ACTR3: variants seen among roughly 807,000 people sequenced by gnomAD.
The protein encoded by ACTR3 is actin-related protein 3.
A neutral mutation model predicts 56.8 loss-of-function variants in ACTR3; 12 were observed. The ratio of observed to expected loss-of-function variants is 0.21; its 90% CI spans 0.14 to 0.34. The LOEUF (loss-of-function observed/expected upper bound fraction) is 0.34. Ranked by LOEUF, ACTR3 falls within the 10% of genes least tolerant of loss-of-function variation. ACTR3 has a pLI of 1.00. For missense variants in ACTR3, 282 were observed against 512.5 expected (o/e 0.55, Z 4.34); for synonymous variants, 162 against 167.4 (o/e 0.97, Z 0.25).
At chr2:113,927,204 T>C (rs1357727512) in intron 3 of ACTR3, 141 bp from the exon 4 acceptor site, 1 of 483,728 alleles carries the variant, frequency 2.1e-6, no homozygotes, top group Non-Finnish European at 3.6e-6. Context: ...TACACATCTT[T>C]TAAGGATGTT....
At chr2:113,929,124 ATTTTTGTTTTT>A (rs1481153978) in intron 4 of ACTR3, among the ~76,000 whole-genome samples, 2 of 138,348 alleles carry the variant, frequency 1.4e-5, no homozygotes, top group Non-Finnish European at 3.1e-5. Flanking sequence ...TACCTGGGCT[ATTTTTGTTTTT>A]TTTTTGTTTT....
rs35715683 is a variant in ACTR3, at chr2:113,928,026, A to AT, written c.336+581dup. Among the ~76,000 whole-genome samples, 147 of 150,420 alleles carry AT rather than the reference A, an allele frequency of 9.8e-4. No homozygotes were observed. The South Asian group carries it at 0.014, about 14-fold the overall frequency. ...TTTTAACATGTTTCTTTTATTTAAC[A>AT]TTTTTTTTTTATTTCTTCTGTCTTT... On this transcript the variant is annotated intron_variant, in intron 4 of 11. Transcript: ENST00000263238.
chr2:113,901,325 T>C (rs1283700562), intron 1 of ACTR3, among the ~76,000 whole-genome samples: 2 of 152,240 alleles, frequency 1.3e-5, no homozygotes, highest in African/African-American at 4.8e-5. Context: ...GCTGTCGCAC[T>C]TCAGCCTGGG....
chr2:113,922,493 A>G (rs1402395408), intron 3 of ACTR3, among the ~76,000 whole-genome samples: 1 of 152,190 alleles, frequency 6.6e-6, no homozygotes, highest in Admixed American at 6.5e-5. Context: ...TCTGCTGGTC[A>G]TGGATGTGGG....
intron 8 of ACTR3, among the ~76,000 whole-genome samples, chr2:113,948,058 G>C (rs749854293): frequency 6.6e-6 from 1 of 152,088 alleles, no homozygotes; most frequent in African/African-American, 2.4e-5. Context: ...ATTTCTAGAG[G>C]TAACCACTTC....
At chr2:113,939,879 CTTTA>C in intron 6 of ACTR3, 76 bp from the exon 7 acceptor site, 2 of 1,319,000 alleles carry the variant, frequency 1.5e-6, no homozygotes, top group Non-Finnish European at 1.0e-6. Context: ...ATAAATTGGT[CTTTA>C]TTGGTTCATA....
At chr2:113,917,114 CCTCTT>C in intron 3 of ACTR3, 106 bp downstream of exon 3, 1 of 933,528 alleles carries the variant, frequency 1.1e-6, no homozygotes, top group Non-Finnish European at 1.4e-6. Flanking sequence ...TATCCTCAAA[CCTCTT>C]CTCAGTAGAA....
intron 3 of ACTR3, among the ~76,000 whole-genome samples, chr2:113,917,352 T>A (rs981635479): frequency 6.6e-6 from 1 of 152,204 alleles, no homozygotes; most frequent in Admixed American, 6.5e-5. Context: ...CATTTTTCTC[T>A]TTTTTGAAGT....
chr2:113,935,247 G>A (rs1349853856), intron 6 of ACTR3, among the ~76,000 whole-genome samples: 1 of 147,884 alleles, frequency 6.8e-6, no homozygotes, highest in African/African-American at 2.6e-5. Context: ...CTTCTTTAGA[G>A]TGTACAGTTC....
chr2:113,902,309 A>G (rs983441978), intron 1 of ACTR3, among the ~76,000 whole-genome samples: 9 of 151,922 alleles, frequency 5.9e-5, no homozygotes, highest in African/African-American at 2.2e-4. Flanking sequence ...TGATAGCTTC[A>G]AAAGTGCTTT....
At chr2:113,921,232 G>A (rs935662099) in intron 3 of ACTR3, among the ~76,000 whole-genome samples, 3 of 149,860 alleles carry the variant, frequency 2.0e-5, no homozygotes, top group South Asian at 2.1e-4. Context: ...CATGTTGGAC[G>A]TTTTTTTCAT....
intron 3 of ACTR3, among the ~76,000 whole-genome samples, chr2:113,926,181 C>T (rs763410540): frequency 1.3e-5 from 2 of 152,142 alleles, no homozygotes; most frequent in African/African-American, 4.8e-5. Context: ...TGTTTTATAT[C>T]GATGTTATTT....
chr2:113,892,465 C>T (rs1678923702), intron 1 of ACTR3, among the ~76,000 whole-genome samples: 2 of 152,198 alleles, frequency 1.3e-5, no homozygotes, highest in African/African-American at 4.8e-5. Flanking sequence ...GAAATTCCCC[C>T]TTTAGAGTTT....
intron 7 of ACTR3, among the ~76,000 whole-genome samples, chr2:113,940,649 C>T (rs976766499): frequency 2.6e-5 from 4 of 152,016 alleles, no homozygotes; most frequent in East Asian, 1.9e-4. Context: ...ACTTTAGCAT[C>T]GTCTTTCAAA....
At chr2:113,891,489 C>CA (rs1678893787) in intron 1 of ACTR3, among the ~76,000 whole-genome samples, 1 of 151,574 alleles carries the variant, frequency 6.6e-6, no homozygotes, top group Non-Finnish European at 1.5e-5. Flanking sequence ...TATGTAGAAT[C>CA]ACTGCTTCAG....
At chr2:113,950,263 A>C (rs1680096982) in intron 8 of ACTR3, among the ~76,000 whole-genome samples, 1 of 152,240 alleles carries the variant, frequency 6.6e-6, no homozygotes, top group Admixed American at 6.5e-5. Flanking sequence ...TCTCTGTAAG[A>C]CACATCACAG....
Position 113,942,307 on chromosome 2 carries a change from T to C in ACTR3, c.806T>C (p.Ile269Thr). Reference protein sequence around the residue: ...INAISKKEFSIDVGYERFLGP... With the variant: ...INAISKKEFSTDVGYERFLGP... The stretch of plus-strand genomic sequence containing the variant: ...GCTATCTCAAAGAAAGAGTTTTCTA[T>C]CGATGTTGGTTATGAGAGATTTTTG... The change falls in exon 8 of 12, where the codon ATC becomes ACC. Residue 269 changes from isoleucine (I) to threonine (T), a missense_variant. By Grantham distance (89) the Ile-to-Thr change is moderately conservative. Coordinates refer to ENST00000263238, the MANE Select transcript of ACTR3 (RefSeq NM_005721.5). The C allele has an allele frequency of 6.2e-7, 1 of 1,601,386 alleles. No homozygotes were observed. Among genetic ancestry groups the C allele is most frequent in the Non-Finnish European group, 8.5e-7 (1 of 1,175,516 alleles).
chr2:113,927,379 A>G lies in ACTR3; in HGVS notation c.260A>G (p.Asp87Gly). The change falls in exon 4 of 12, where the codon GAC (aspartate) becomes GGC (glycine). Residue 87 changes from aspartate (D) to glycine (G), a missense_variant. By Grantham distance (94) the Asp-to-Gly change is moderately conservative (BLOSUM62 -1). Transcript: ENST00000263238. The part of the protein sequence containing the change: ...PIRHGIVEDW[D>G]LMERFMEQVI... The stretch of plus-strand genomic sequence containing the variant: ...CGCCATGGTATAGTTGAAGATTGGG[A>G]CTTAATGGAAAGGTTTATGGAGCAA... 1 of 1,589,738 alleles carries G rather than the reference A, an allele frequency of 6.3e-7. No homozygotes were observed. The highest frequency in any genetic ancestry group is 8.6e-7 in the Non-Finnish European group (1 of 1,165,792).
intron 1 of ACTR3, chr2:113,904,025 TTTA>T (rs1161402031): frequency 2.0e-5 from 3 of 151,844 alleles, no homozygotes; most frequent in Admixed American, 6.6e-5. Flanking sequence ...CCCGGCTAAT[TTTA>T]TTATTGTGTT....
Sources: allele counts gnomAD v4.1 joint callset (sites outside exome capture counted in the v4.1 genomes callset), GRCh38; gene constraint gnomAD v4.1.1; transcripts MANE v1.5; gene names NCBI Gene and HGNC (gene_info 2026-07-23, HGNC 2026-07-21).